The following DHRS3 variants were observed in gnomAD, a reference collection of about 807,000 sequenced individuals.
The protein encoded by DHRS3 is dehydrogenase/reductase 3, also known as short-chain dehydrogenase/reductase 3.
Under a neutral mutation model 27.2 loss-of-function variants are expected in DHRS3, and 14 were observed. The ratio of observed to expected loss-of-function variants is 0.52; its 90% CI spans 0.34 to 0.81. The LOEUF (loss-of-function observed/expected upper bound fraction) is 0.81. Ranked by LOEUF, DHRS3 falls within the 30% of genes least tolerant of loss-of-function variation. The pLI is 0.01. For synonymous variants in DHRS3, 165 were observed against 175.9 expected, an observed-to-expected ratio of 0.94 and a Z score of 0.49; for missense variants, 322 against 406.2, an observed-to-expected ratio of 0.79 and a Z score of 1.78.
intron 1 of DHRS3, among the ~76,000 whole-genome samples, chr1:12,584,878 A>AGT (rs35962425): frequency 1.5e-4 from 23 of 151,198 alleles, no homozygotes; most frequent in East Asian, 9.8e-4. Context: ...TGTCTCTGTA[A>AGT]GTGTGTGTGT....
chr1:12,571,580 G>A lies in DHRS3; in HGVS notation c.824+1148C>T, dbSNP rs1316775793. 2.0e-5 allele frequency among the ~76,000 whole-genome samples: 3 copies of A among 148,910 alleles called. No homozygotes were observed. The South Asian group carries it at 6.4e-4, about 32-fold the overall frequency. ...AGTCTTGTTCTTGTTGCCCAGGCTG[G>A]AGTGCGGTGGTGCGATCTCGGCTCA... is the stretch of plus-strand genomic sequence containing the variant. On this transcript the variant is annotated intron_variant, in intron 5 of 5. Coordinates refer to ENST00000616661, the MANE Select transcript of DHRS3 (RefSeq NM_004753.7).
rs1308339231 is a variant in DHRS3, at chr1:12,594,990, C to T, written c.196-14324G>A. 1.3e-5 allele frequency among the ~76,000 whole-genome samples: 2 copies of T among 152,126 alleles called. No individual in the cohort carries two copies. Among genetic ancestry groups the T allele is most frequent in the Non-Finnish European group, 2.9e-5 (2 of 68,030 alleles). On this transcript the variant is annotated intron_variant, in intron 1 of 5. Transcript: ENST00000616661. The surrounding 1 kb of genome is among the most constrained non-coding windows in gnomAD (Gnocchi z 4.1). ...GAGGTTGCCGTTCCCTGAGCCCCAG[C>T]GCCTCCCTCTCCAGGAGGGTTGGCT...
rs909346328 is a variant in DHRS3 at position 12,583,246 on chromosome 1, C to T, written c.196-2580G>A. On this transcript the variant is annotated intron_variant, in intron 1 of 5. Transcript: ENST00000616661. ...CCTCACCTACCCCACTGTACCCACT[C>T]ACCTACCCAACTCCATCTACCCATC... 3.0e-4 allele frequency among the ~76,000 whole-genome samples: 45 copies of T among 148,792 alleles called. 1 individual carries two copies. Among genetic ancestry groups the T allele is most frequent in the African/African-American group, 1.0e-3 (42 of 40,336 alleles).
rs571279987 is a variant in DHRS3, at chr1:12,592,377, CCTGGGTTAGGGTGGGCT to C, written c.196-11728_196-11712del. ...GTTGGGGATCTCAAAGTGAGATCACCCTGGGTTAGGGTGGGCTCTGAGTCTAAGGACTAGTGTCCTCA... is the reference window on the plus strand; with the variant it reads ...GTTGGGGATCTCAAAGTGAGATCACCCTGAGTCTAAGGACTAGTGTCCTCA... On this transcript the variant is annotated intron_variant, in intron 1 of 5. Coordinates refer to ENST00000616661, the MANE Select transcript of DHRS3 (RefSeq NM_004753.7). The surrounding 1 kb of genome is among the most constrained non-coding windows in gnomAD (Gnocchi z 4.2). 3.0e-4 allele frequency among the ~76,000 whole-genome samples: 46 copies of C among 152,110 alleles called. No homozygotes were observed. Among genetic ancestry groups the C allele is most frequent in the African/African-American group, 8.9e-4 (37 of 41,486 alleles).
chr1:12,611,953 A>ATAAATAAATAAATAAATAAC (rs1646913321), intron 1 of DHRS3, among the ~76,000 whole-genome samples: 2 of 151,886 alleles, frequency 1.3e-5, no homozygotes, highest in African/African-American at 2.4e-5. Context: ...AAATAAATAA[A>ATAAATAAATAAATAAATAAC]TAAATAAAAG....
intron 1 of DHRS3, among the ~76,000 whole-genome samples, chr1:12,584,726 G>T (rs929821420): frequency 6.6e-6 from 1 of 152,302 alleles, no homozygotes; most frequent in African/African-American, 2.4e-5. Context: ...CACCTTCCTG[G>T]CCGGGCCTTG....
chr1:12,605,615 T>C (rs552244496), intron 1 of DHRS3, among the ~76,000 whole-genome samples: 1 of 152,084 alleles, frequency 6.6e-6, no homozygotes, highest in African/African-American at 2.4e-5. Context: ...ATATTTGAGA[T>C]TTTTTTTGCC....
chr1:12,585,378 T>C (rs1228677026), intron 1 of DHRS3, among the ~76,000 whole-genome samples: 1 of 98,270 alleles, frequency 1.0e-5, no homozygotes, highest in Non-Finnish European at 2.5e-5. Context: ...TCTGTGTGAG[T>C]GTGTGTCTGT....
intron 2 of DHRS3, chr1:12,580,268 C>T (rs2100660889): frequency 2.0e-6 from 1 of 512,444 alleles, no homozygotes; most frequent in Non-Finnish European, 3.6e-6. Flanking sequence ...ATTTGCCCCG[C>T]CACAGTCCTG....
At chr1:12,600,764 T>C (rs967987199) in intron 1 of DHRS3, among the ~76,000 whole-genome samples, 9 of 152,188 alleles carry the variant, frequency 5.9e-5, no homozygotes, top group Non-Finnish European at 1.2e-4. Flanking sequence ...GAAGTATCAC[T>C]AGCAACCATG....
intron 1 of DHRS3, among the ~76,000 whole-genome samples, chr1:12,583,547 CTCCATCCACCCA>C (rs759469756): frequency 8.2e-4 from 118 of 143,104 alleles, no homozygotes; most frequent in Non-Finnish European, 1.5e-3. Flanking sequence ...ACCCACCCCA[CTCCATCCACCCA>C]TCCATCCACC....
chr1:12,577,534 T>C (rs979036888), intron 4 of DHRS3, among the ~76,000 whole-genome samples: 1 of 152,128 alleles, frequency 6.6e-6, no homozygotes, highest in African/African-American at 2.4e-5. Context: ...TCATTTTAAA[T>C]TGAGCTACGG....
chr1:12,580,595 C>T lies in DHRS3; in HGVS notation c.267G>A (p.Glu89=). Residue 89 remains glutamate, a synonymous_variant, in exon 2 of 6, where the codon GAG becomes GAA. Coordinates refer to ENST00000616661, the MANE Select transcript of DHRS3 (RefSeq NM_004753.7). ...TTEEIRQMGT[E]CHYFICDVGN... ...CCACATCACAGATGAAGTAATGGCA[C>T]TCAGTGCCCATCTGCCGGATCTCCT... 1 of 1,614,178 alleles carries T rather than the reference C, an allele frequency of 6.2e-7. No homozygotes were observed. The highest frequency in any genetic ancestry group is 8.5e-7 in the Non-Finnish European group (1 of 1,180,044).
chr1:12,581,469 C>A (rs940584343), intron 1 of DHRS3, among the ~76,000 whole-genome samples: 1 of 152,166 alleles, frequency 6.6e-6, no homozygotes, highest in African/African-American at 2.4e-5. Context: ...TTCAGTCACT[C>A]CCCTAAGGAT....
At chr1:12,601,048 C>T (rs532886062) in intron 1 of DHRS3, among the ~76,000 whole-genome samples, 1 of 152,202 alleles carries the variant, frequency 6.6e-6, no homozygotes, top group Admixed American at 6.5e-5. Flanking sequence ...AGGATTAGCT[C>T]TGGAGGGCTG....
chr1:12,591,715 C>T lies in DHRS3; in HGVS notation c.196-11049G>A, dbSNP rs1356077017. Among the ~76,000 whole-genome samples the T allele has an allele frequency of 2.0e-5, 3 of 152,206 alleles. No homozygotes were observed. The highest frequency in any genetic ancestry group is 3.9e-4 in the East Asian group (2 of 5,194). On this transcript the variant is annotated intron_variant, in intron 1 of 5. Coordinates refer to ENST00000616661, the MANE Select transcript of DHRS3 (RefSeq NM_004753.7). This position sits in a 1 kb window ranked among gnomAD's most constrained non-coding sequence, Gnocchi z 4.1. ...CACGAAGGGGCTATGTAATTCCAAG[C>T]GGTAAGCGGTAGAGCTGGGACCTCA...
chr1:12,590,069 C>A (rs1400871539), intron 1 of DHRS3, among the ~76,000 whole-genome samples: 1 of 152,046 alleles, frequency 6.6e-6, no homozygotes, highest in East Asian at 1.9e-4. Context: ...CCTTTTTCTA[C>A]GTCCCCAAGC....
At chr1:12,587,560 T>A (rs1002028116) in intron 1 of DHRS3, among the ~76,000 whole-genome samples, 1 of 151,992 alleles carries the variant, frequency 6.6e-6, no homozygotes, top group Non-Finnish European at 1.5e-5. Context: ...TTGTTATTTA[T>A]GATCTTAAAA....
chr1:12,600,142 C>G (rs1646825178), intron 1 of DHRS3, among the ~76,000 whole-genome samples: 1 of 152,146 alleles, frequency 6.6e-6, no homozygotes, highest in African/African-American at 2.4e-5. Context: ...GACTCCTGAA[C>G]TCAAAATCTG....
Sources: gnomAD v4.1 joint callset for allele counts (sites outside exome capture counted in the v4.1 genomes callset) on GRCh38, gnomAD v4.1.1 for gene constraint, Gnocchi (gnomAD v3.1) non-coding constraint, MANE v1.5 for transcripts, NCBI Gene and HGNC (gene_info 2026-07-23, HGNC 2026-07-21) for gene names.